Variants in MINDY4 observed in about 807,000 individuals in gnomAD.
The protein encoded by MINDY4 is MINDY lysine 48 deubiquitinase 4, also known as probable ubiquitin carboxyl-terminal hydrolase MINDY-4.
MINDY4 carries 68 observed loss-of-function variants against 87.0 expected under a neutral mutation model. The ratio of observed to expected loss-of-function variants is 0.78; its 90% CI spans 0.64 to 0.96. The LOEUF is 0.96. Ranked by LOEUF, MINDY4 falls within the 40% of genes least tolerant of loss-of-function variation. MINDY4 has a pLI of 0.00. For missense variants in MINDY4, 919 were observed against 928.2 expected, an observed-to-expected ratio of 0.99 and a Z score of 0.13; for synonymous variants, 379 against 363.2, an observed-to-expected ratio of 1.04 and a Z score of -0.50.
chr7:30,836,540 A>G (rs1176626883), intron 6 of MINDY4, 118 bp from the exon 7 acceptor site: 3 of 829,110 alleles, frequency 3.6e-6, no homozygotes, highest in Non-Finnish European at 4.0e-6. Flanking sequence ...GCGGGGAGGA[A>G]CCCTCCTTTC....
At chr7:30,783,861 A>G (rs1787074984) in intron 3 of MINDY4, among the ~76,000 whole-genome samples, 1 of 152,208 alleles carries the variant, frequency 6.6e-6, no homozygotes, top group South Asian at 2.1e-4. Flanking sequence ...CAGAGATGGG[A>G]AAAATCTGGA....
chr7:30,806,853 G>C (rs1226644511), intron 5 of MINDY4, among the ~76,000 whole-genome samples: 1 of 152,222 alleles, frequency 6.6e-6, no homozygotes, highest in Non-Finnish European at 1.5e-5. Context: ...TGGACAATGG[G>C]CTGGCACAAT....
At chr7:30,839,363 T>C (rs1198503991) in intron 8 of MINDY4, 47 bp downstream of exon 8, 2 of 1,202,562 alleles carry the variant, frequency 1.7e-6, no homozygotes, top group East Asian at 2.4e-5. Context: ...TGGGCCATCA[T>C]GCATAGGGGT....
chr7:30,849,034 G>A (rs1455796119), intron 9 of MINDY4, among the ~76,000 whole-genome samples: 2 of 152,208 alleles, frequency 1.3e-5, no homozygotes, highest in Non-Finnish European at 2.9e-5. Context: ...TTATGGATGA[G>A]GAAACTGAGG....
intron 7 of MINDY4, among the ~76,000 whole-genome samples, chr7:30,838,137 G>A (rs1033721893): frequency 2.0e-5 from 3 of 152,084 alleles, no homozygotes; most frequent in African/African-American, 7.2e-5. Context: ...AGAGAGGGTG[G>A]GCCCATCATG....
In MINDY4 at chr7:30,805,974, C is replaced by A. The variant is rs550690158; in HGVS notation, c.1073+14400C>A. 3.9e-5 allele frequency among the ~76,000 whole-genome samples: 6 copies of A among 152,144 alleles called. No individual in the cohort carries two copies. In the South Asian group the frequency reaches 1.0e-3, roughly 26 times the overall value. ...GGGTGGGGCCCGGAAGGGGACAGTGCTGACAATACCAGAGTCATTTTCTGT... is the reference window on the plus strand; with the variant it reads ...GGGTGGGGCCCGGAAGGGGACAGTGATGACAATACCAGAGTCATTTTCTGT... On this transcript the variant is annotated intron_variant, in intron 5 of 17. Transcript: ENST00000265299.
intron 13 of MINDY4, among the ~76,000 whole-genome samples, chr7:30,861,061 A>G (rs115160767): frequency 0.012 from 1,888 of 152,280 alleles, 36 homozygotes; most frequent in African/African-American, 0.043. Flanking sequence ...ACAGAGACAC[A>G]TAGTCCAGCT....
intron 4 of MINDY4, among the ~76,000 whole-genome samples, chr7:30,789,257 G>A (rs1787247213): frequency 6.6e-6 from 1 of 152,172 alleles, no homozygotes; most frequent in African/African-American, 2.4e-5. Context: ...TATACCTGTG[G>A]TGTGAGGGAG....
At chr7:30,854,486 G>A (rs1789513485) in intron 12 of MINDY4, among the ~76,000 whole-genome samples, 1 of 152,100 alleles carries the variant, frequency 6.6e-6, no homozygotes, top group African/African-American at 2.4e-5. Context: ...CAGCAGACCC[G>A]CGACCTCTGA....
chr7:30,872,419 T>C (rs1790134548), intron 14 of MINDY4, 113 bp downstream of exon 14: 2 of 963,062 alleles, frequency 2.1e-6, no homozygotes, highest in African/African-American at 1.6e-5. Flanking sequence ...TTCTTGCCTC[T>C]GCCAACACTC....
intron 5 of MINDY4, among the ~76,000 whole-genome samples, chr7:30,810,192 A>AAG (rs1787943245): frequency 1.3e-5 from 2 of 151,212 alleles, no homozygotes; most frequent in Non-Finnish European, 2.9e-5. Context: ...AAAAAAAAAA[A>AAG]AAAAAGAAAT....
intron 5 of MINDY4, among the ~76,000 whole-genome samples, chr7:30,813,171 G>C (rs1476984788): frequency 4.6e-5 from 7 of 152,174 alleles, no homozygotes; most frequent in East Asian, 3.9e-4. Flanking sequence ...TTAAAAACCA[G>C]AGAACCAGAG....
At chr7:30,840,051 C>T (rs1438297447) in intron 8 of MINDY4, among the ~76,000 whole-genome samples, 1 of 152,100 alleles carries the variant, frequency 6.6e-6, no homozygotes, top group Non-Finnish European at 1.5e-5. Flanking sequence ...CTCTTGTGGC[C>T]AAACTCAGCT....
chr7:30,838,812 C>T (rs62449076), intron 7 of MINDY4, among the ~76,000 whole-genome samples: 8,139 of 152,186 alleles, frequency 0.053, 354 homozygotes, highest in Middle Eastern at 0.082. Flanking sequence ...TTAGGAACTT[C>T]GTATCCTAGA....
At chr7:30,837,974 GAA>G (rs1380077443) in intron 7 of MINDY4, among the ~76,000 whole-genome samples, 1 of 152,204 alleles carries the variant, frequency 6.6e-6, no homozygotes, top group African/African-American at 2.4e-5. Flanking sequence ...TAATGAAAAG[GAA>G]AAAAAGAGCT....
chr7:30,782,326 CTCTG>C (rs1273052825), intron 3 of MINDY4, 114 bp downstream of exon 3: 31 of 765,918 alleles, frequency 4.0e-5, no homozygotes, highest in Non-Finnish European at 5.2e-5. Context: ...TCAATATAGT[CTCTG>C]TGTGTGTATG....
intron 17 of MINDY4, among the ~76,000 whole-genome samples, chr7:30,883,319 G>A (rs543090929): frequency 4.2e-4 from 64 of 152,340 alleles, no homozygotes; most frequent in African/African-American, 1.4e-3. Flanking sequence ...CGTTAGGCCC[G>A]AAGGAGGCAG....
At chr7:30,867,031 A>G (rs1206139100) in intron 13 of MINDY4, among the ~76,000 whole-genome samples, 3 of 152,186 alleles carry the variant, frequency 2.0e-5, no homozygotes, top group Non-Finnish European at 4.4e-5. Flanking sequence ...AAGACCTGAT[A>G]TGGTCTAGTC....
In MINDY4 at chr7:30,840,760, G is replaced by A. The variant is rs368777512; in HGVS notation, c.1357G>A (p.Gly453Ser). ...SLKYGIVQNK[G>S]GPCGVLAAVQ... ...GCAGCAATGGTCTCATTCTTTGCAG[G>A]GTGGTCCTTGCGGAGTCCTGGCAGC... Residue 453 changes from glycine (G) to serine (S), a missense_variant and splice_region_variant, in exon 9 of 18, where the codon GGT (glycine) becomes AGT (serine). Physicochemically the swap from Gly to Ser is moderately conservative, Grantham distance 56. Coordinates refer to ENST00000265299, the MANE Select transcript of MINDY4 (RefSeq NM_032222.3). The A allele has an allele frequency of 1.4e-5, 23 of 1,613,778 alleles. No individual in the cohort carries two copies. The Middle Eastern group carries it at 6.6e-4, about 46-fold the overall frequency.
Sources: allele counts gnomAD v4.1 joint callset (sites outside exome capture counted in the v4.1 genomes callset), GRCh38; gene constraint gnomAD v4.1.1; transcripts MANE v1.5; gene names NCBI Gene and HGNC (gene_info 2026-07-23, HGNC 2026-07-21).